RAD21L1: variants seen among roughly 807,000 people sequenced by gnomAD.
RAD21L1 encodes RAD21 cohesin complex component like 1, also known as double-strand-break repair protein rad21-like protein 1.
A neutral mutation model predicts 69.0 loss-of-function variants in RAD21L1; 47 were observed. That is an observed-to-expected ratio of 0.68 (90% CI 0.54 to 0.87). RAD21L1 has a LOEUF of 0.87. Among genes scored for constraint, RAD21L1 ranks in the 40% least tolerant of loss-of-function variants. The probability of loss-of-function intolerance (pLI) is 0.00; values close to 1 mark genes in which losing one functional copy is unlikely to be tolerated. For synonymous variants in RAD21L1, 177 were observed against 205.8 expected (o/e 0.86, Z 1.20); for missense variants, 583 against 647.6 (o/e 0.90, Z 1.08).
At chr20:1,229,847 TTACTC>T (rs1193384042) in intron 2 of RAD21L1, 28 bp from the exon 3 acceptor site, 10 of 1,474,342 alleles carry the variant, frequency 6.8e-6, no homozygotes, top group African/African-American at 4.2e-5. Context: ...AACCTAATCT[TTACTC>T]TTCTAATACT....
rs144112774 is a variant in RAD21L1, at chr20:1,246,993, A to G, written c.1401+688A>G. ...TTTGCTTCTATAAAATTATCTATAT[A>G]TTGAGTTCCAAGACTCTTTGATTGT... On this transcript the variant is annotated intron_variant, in intron 12 of 13. Transcript: ENST00000683101. The surrounding 1 kb of genome is among the most constrained non-coding windows in gnomAD (Gnocchi z 4.6). Among the ~76,000 whole-genome samples the G allele has an allele frequency of 2.4e-3, 372 of 152,332 alleles. 3 individuals are homozygous for G. Among genetic ancestry groups the G allele is most frequent in the African/African-American group, 8.6e-3 (356 of 41,580 alleles).
At chr20:1,243,904 C>A (rs2087669513) in intron 10 of RAD21L1, 142 bp from the exon 11 acceptor site, 1 of 672,486 alleles carries the variant, frequency 1.5e-6, no homozygotes, top group Non-Finnish European at 2.5e-6. Context: ...GACTTGGGAG[C>A]AATAAGAAAG....
chr20:1,244,749 G>C (rs962169383), intron 11 of RAD21L1, among the ~76,000 whole-genome samples: 1 of 151,872 alleles, frequency 6.6e-6, no homozygotes, highest in Non-Finnish European at 1.5e-5. Flanking sequence ...TATTTTATTG[G>C]TTGTACAAAT....
chr20:1,247,205 A>G (rs1306897305), intron 12 of RAD21L1, among the ~76,000 whole-genome samples: 2 of 152,176 alleles, frequency 1.3e-5, no homozygotes, highest in African/African-American at 2.4e-5. Context: ...ACATAGCACA[A>G]GTTCAGCTGT....
chr20:1,234,448 G>C (rs2087455136), intron 5 of RAD21L1, among the ~76,000 whole-genome samples: 1 of 152,142 alleles, frequency 6.6e-6, no homozygotes, highest in Admixed American at 6.5e-5. Context: ...AGACAGGGCA[G>C]TACCAAAATT....
chr20:1,247,595 A>G (rs1200262727), intron 12 of RAD21L1, among the ~76,000 whole-genome samples: 1 of 152,196 alleles, frequency 6.6e-6, no homozygotes, highest in Non-Finnish European at 1.5e-5. Flanking sequence ...AGGCAGGCCT[A>G]GGAAGCTGGT....
chr20:1,242,855 C>T lies in RAD21L1; in HGVS notation c.1083+10C>T. ...TGCTGAACTGAAAATGGTAACGGTT[C>T]CTACCCTTCTACATGTGAGCAATGT... On this transcript the variant is annotated intron_variant, in intron 9 of 13. Transcript: ENST00000683101. 6.6e-7 allele frequency: 1 copy of T among 1,523,024 alleles called. No homozygotes were observed. Among genetic ancestry groups the T allele is most frequent in the Non-Finnish European group, 8.9e-7 (1 of 1,121,082 alleles). 94.3% of individuals were successfully genotyped at this position (1,523,024 alleles called of 1,614,324 possible).
At chr20:1,226,870 CTTTG>C (rs958746306) in intron 1 of RAD21L1, among the ~76,000 whole-genome samples, 11 of 152,192 alleles carry the variant, frequency 7.2e-5, no homozygotes, top group Non-Finnish European at 1.0e-4. Context: ...TGGGTTTTTT[CTTTG>C]TTTGTTTTCT....
At chr20:1,230,567 T>C (rs936574600) in intron 3 of RAD21L1, 100 of 386,802 alleles carry the variant, frequency 2.6e-4, no homozygotes, top group African/African-American at 2.1e-3. Context: ...TACTTAGGTA[T>C]GGATCTTGCC....
intron 4 of RAD21L1, among the ~76,000 whole-genome samples, chr20:1,233,660 A>G (rs962000138): frequency 1.8e-4 from 28 of 152,268 alleles, no homozygotes; most frequent in Non-Finnish European, 2.5e-4. Flanking sequence ...GTATTCTCAC[A>G]TGGTAGATTG....
At chr20:1,226,615 C>A (rs894516276) in intron 1 of RAD21L1, among the ~76,000 whole-genome samples, 28 of 151,884 alleles carry the variant, frequency 1.8e-4, no homozygotes, top group Non-Finnish European at 3.1e-4. Context: ...TTCCTCCCTC[C>A]CTTCGCTCCC....
At chr20:1,233,607 G>C (rs1487052724) in intron 4 of RAD21L1, among the ~76,000 whole-genome samples, 1 of 152,140 alleles carries the variant, frequency 6.6e-6, no homozygotes, top group Non-Finnish European at 1.5e-5. Flanking sequence ...TCATCGTCTG[G>C]TGATGGCCTG....
chr20:1,231,139 C>A (rs571689071), intron 3 of RAD21L1, among the ~76,000 whole-genome samples: 2 of 151,986 alleles, frequency 1.3e-5, no homozygotes, highest in African/African-American at 4.8e-5. Context: ...GCATTCTAGG[C>A]GGAGGAAACT....
Position 1,228,533 on chromosome 20 carries a change from T to A in RAD21L1, c.80T>A (p.Leu27His). 1 of 1,550,504 alleles carries A rather than the reference T, an allele frequency of 6.4e-7. No individual in the cohort carries two copies. Among genetic ancestry groups the A allele is most frequent in the Non-Finnish European group, 8.7e-7 (1 of 1,146,350 alleles). Reference sequence around the variant, plus strand: ...CTTGCAGCTCACTGGGAGAAGAAACTCACAAAGGCCCATGTATTTGAATGT... The same window carrying A: ...CTTGCAGCTCACTGGGAGAAGAAACACACAAAGGCCCATGTATTTGAATGT... The part of the protein sequence containing the change: ...IWLAAHWEKK[L>H]TKAHVFECNL... The change falls in exon 2 of 14, where the codon CTC becomes CAC. Residue 27 changes from leucine (L) to histidine (H), a missense_variant. Physicochemically the swap from Leu to His is moderately conservative, Grantham distance 99. Transcript: ENST00000683101.
chr20:1,242,509 A>C (rs1256036000), intron 8 of RAD21L1, 110 bp from the exon 9 acceptor site: 6 of 811,270 alleles, frequency 7.4e-6, no homozygotes, highest in Non-Finnish European at 8.1e-6. Context: ...CTAGGATTAC[A>C]GGCATGAGCC....
chr20:1,252,203 A>AT (rs1336414944), intron 13 of RAD21L1, among the ~76,000 whole-genome samples: 1 of 152,182 alleles, frequency 6.6e-6, no homozygotes. Flanking sequence ...GCTCTTTAAT[A>AT]TTAGAGATTT....
At position 1,242,737 on chromosome 20, in the gene RAD21L1, G is replaced by T; in HGVS notation, c.975G>T (p.Leu325Phe). ...LTSFADTLMV[L>F]ELAPPTQRLM... ...CCTTTGCGGACACACTCATGGTTTT[G>T]GAACTTGCACCTCCTACCCAAAGAT... The change falls in exon 9 of 14, where the codon TTG becomes TTT. Residue 325 changes from leucine to phenylalanine, a missense_variant. Transcript: ENST00000683101. 1 of 1,551,590 alleles carries T rather than the reference G, an allele frequency of 6.4e-7. No individual in the cohort carries two copies.
intron 11 of RAD21L1, among the ~76,000 whole-genome samples, chr20:1,245,692 C>G (rs1476970109): frequency 2.0e-5 from 3 of 152,078 alleles, no homozygotes; most frequent in African/African-American, 7.2e-5. Context: ...TTCCAACAGA[C>G]AGGTTCTTCT....
rs1488046199 is a variant in RAD21L1, at chr20:1,254,686, A to G, written c.*229A>G. On this transcript the variant is annotated 3_prime_UTR_variant, in exon 14 of 14. Transcript: ENST00000683101. The stretch of plus-strand genomic sequence containing the variant: ...GTTTTTTTTTGTTGTTTTTTTAAGG[A>G]CAAAGGTCTCACTATATTGCCCAGG... Among the ~76,000 whole-genome samples, 4 of 151,928 alleles carry G rather than the reference A, an allele frequency of 2.6e-5. No homozygotes were observed. The highest frequency in any genetic ancestry group is 2.1e-4 in the South Asian group (1 of 4,818).
Sources: allele counts gnomAD v4.1 joint callset (sites outside exome capture counted in the v4.1 genomes callset), GRCh38; gene constraint gnomAD v4.1.1; non-coding constraint Gnocchi (gnomAD v3.1); transcripts MANE v1.5; gene names NCBI Gene and HGNC (gene_info 2026-07-23, HGNC 2026-07-21).